Variants in ERI3 observed in about 807,000 individuals in gnomAD.
ERI3 encodes ERI1 exoribonuclease 3.
A neutral mutation model predicts 44.4 loss-of-function variants in ERI3; 18 were observed. The ratio of observed to expected loss-of-function variants is 0.41; its 90% confidence interval spans 0.28 to 0.60. ERI3 has a LOEUF of 0.60. Among genes scored for constraint, ERI3 ranks in the 20% least tolerant of loss-of-function variants. The probability of loss-of-function intolerance (pLI) is 0.36; values close to 1 mark genes in which losing one functional copy is unlikely to be tolerated. For missense variants in ERI3, 294 were observed against 435.5 expected, an observed-to-expected ratio of 0.68 and a Z score of 2.89; for synonymous variants, 183 against 164.8, an observed-to-expected ratio of 1.11 and a Z score of -0.84.
intron 7 of ERI3, among the ~76,000 whole-genome samples, chr1:44,271,294 A>G (rs896473451): frequency 3.3e-5 from 5 of 152,148 alleles, no homozygotes; most frequent in African/African-American, 1.2e-4. Flanking sequence ...GTAGTTCCCT[A>G]ATCCTGCAAC....
Position 44,240,327 on chromosome 1 carries a change from CT to C in ERI3, c.931+7611del, listed in dbSNP as rs920656809. On this transcript the variant is annotated intron_variant, in intron 8 of 8. Coordinates refer to ENST00000372257, the MANE Select transcript of ERI3 (RefSeq NM_024066.3). ...TCAGCCTGGCTTGGGCTGGTTTAGC[CT>C]AGTAGGAGGTTTGAGTCAGGGTCTG... 2.3e-3 allele frequency among the ~76,000 whole-genome samples: 349 copies of C among 152,308 alleles called. 1 individual carries two copies. The highest frequency in any genetic ancestry group is 8.2e-3 in the African/African-American group (340 of 41,556).
intron 2 of ERI3, among the ~76,000 whole-genome samples, chr1:44,342,830 TATATATATATATATATATATATA>T (rs1646692218): frequency 3.6e-5 from 1 of 27,878 alleles, no homozygotes; most frequent in Non-Finnish European, 6.2e-5. Flanking sequence ...TATATATATA[TATATATATATATATATATATATA>T]TATATTTTTT....
At chr1:44,317,609 T>C (rs918713952) in intron 4 of ERI3, among the ~76,000 whole-genome samples, 3 of 152,128 alleles carry the variant, frequency 2.0e-5, no homozygotes, top group Admixed American at 6.5e-5. Flanking sequence ...TCTAGTTTCT[T>C]CCCTCAAAGA....
chr1:44,298,188 G>C (rs1343586572), intron 6 of ERI3, among the ~76,000 whole-genome samples: 1 of 152,238 alleles, frequency 6.6e-6, no homozygotes, highest in Non-Finnish European at 1.5e-5. Context: ...GAGCAGTGCA[G>C]AGCACATAGC....
At chr1:44,307,154 G>A (rs1645854356) in intron 6 of ERI3, among the ~76,000 whole-genome samples, 1 of 152,130 alleles carries the variant, frequency 6.6e-6, no homozygotes, top group Non-Finnish European at 1.5e-5. Flanking sequence ...CACCTGATGG[G>A]TGTGGGAGAT....
intron 7 of ERI3, among the ~76,000 whole-genome samples, chr1:44,264,411 C>T (rs564997635): frequency 1.6e-4 from 24 of 152,350 alleles, no homozygotes; most frequent in African/African-American, 5.8e-4. Flanking sequence ...GCTTTAAACA[C>T]AGTTACACAA....
intron 6 of ERI3, among the ~76,000 whole-genome samples, chr1:44,301,164 C>G (rs1645718046): frequency 1.3e-5 from 2 of 152,166 alleles, no homozygotes; most frequent in African/African-American, 4.8e-5. Flanking sequence ...TTGGGGCTAA[C>G]CCGGTGCACC....
chr1:44,266,164 A>G (rs1335918927), intron 7 of ERI3, among the ~76,000 whole-genome samples: 3 of 152,216 alleles, frequency 2.0e-5, no homozygotes, highest in Non-Finnish European at 2.9e-5. Context: ...GGCACTTGAT[A>G]TAGGCACTTG....
chr1:44,340,818 AACTCAGCCCAGGT>A (rs1264812578), intron 2 of ERI3, among the ~76,000 whole-genome samples: 1 of 152,184 alleles, frequency 6.6e-6, no homozygotes, highest in Non-Finnish European at 1.5e-5. Context: ...ATACAGCCAA[AACTCAGCCCAGGT>A]AGACAAACGC....
chr1:44,241,985 T>A lies in ERI3; in HGVS notation c.931+5954A>T. On this transcript the variant is annotated intron_variant, in intron 8 of 8. Coordinates refer to ENST00000372257, the MANE Select transcript of ERI3 (RefSeq NM_024066.3). This position sits in a 1 kb window ranked among gnomAD's most constrained non-coding sequence, Gnocchi z 5.6. ...AGTCTGGTGTCTGGCAAGAACCAAT[T>A]CCTCAGATGTCTCTGGGGCTCCAAG... 1.0e-6 allele frequency: 1 copy of A among 985,642 alleles called. No homozygotes were observed. The highest frequency in any genetic ancestry group is 4.7e-5 in the South Asian group (1 of 21,282). 61.1% of individuals were successfully genotyped at this position (985,642 alleles called of 1,614,324 possible).
chr1:44,342,544 A>T (rs962437159), intron 2 of ERI3, among the ~76,000 whole-genome samples: 6 of 151,796 alleles, frequency 4.0e-5, no homozygotes, highest in Non-Finnish European at 8.8e-5. Context: ...ATACACACAC[A>T]CACACAAATA....
At chr1:44,313,249 C>A (rs376024138) in intron 4 of ERI3, 21 bp from the exon 5 acceptor site, 1 of 1,613,152 alleles carries the variant, frequency 6.2e-7, no homozygotes, top group African/African-American at 1.3e-5. Flanking sequence ...AGAGAAATAG[C>A]CGATGGGTAG....
At chr1:44,311,120 T>C (rs1645963824) in intron 5 of ERI3, among the ~76,000 whole-genome samples, 1 of 151,514 alleles carries the variant, frequency 6.6e-6, no homozygotes, top group Admixed American at 6.6e-5. Flanking sequence ...CTCACTGTTT[T>C]ATATCCCCAA....
In ERI3 at chr1:44,259,689, G is replaced by C. The variant is rs12060126; in HGVS notation, c.832-11651C>G. Reference sequence around the variant, plus strand: ...AAATCCTATCTCTACAAAACACACAGACACACACACACACACACACACACA... The same window carrying C: ...AAATCCTATCTCTACAAAACACACACACACACACACACACACACACACACA... On this transcript the variant is annotated intron_variant, in intron 7 of 8. Transcript: ENST00000372257. 1.5e-3 allele frequency among the ~76,000 whole-genome samples: 204 copies of C among 140,382 alleles called. 2 individuals carry two copies. In the East Asian group the frequency reaches 0.029, roughly 20 times the overall value. 92.1% of individuals were successfully genotyped at this position (140,382 alleles called of 152,430 possible). A position where few individuals can be genotyped will look rare whatever the true frequency, so the allele number is the denominator to read the frequency against.
intron 3 of ERI3, among the ~76,000 whole-genome samples, chr1:44,324,775 C>A (rs1487143507): frequency 6.6e-6 from 1 of 152,184 alleles, no homozygotes; most frequent in African/African-American, 2.4e-5. Context: ...AGCCACCGCG[C>A]CCGGCCAACA....
intron 8 of ERI3, among the ~76,000 whole-genome samples, chr1:44,238,769 G>C (rs1463736148): frequency 2.6e-5 from 4 of 151,918 alleles, no homozygotes; most frequent in African/African-American, 9.7e-5. Context: ...AGGCCAGACT[G>C]GGGCTGAAAG....
chr1:44,237,950 G>T (rs1644342870), intron 8 of ERI3, among the ~76,000 whole-genome samples: 1 of 151,982 alleles, frequency 6.6e-6, no homozygotes, highest in African/African-American at 2.4e-5. Context: ...TGTAGCCCTA[G>T]CCCGTCTGCT....
chr1:44,222,016 G>A (rs966530474), intron 8 of ERI3, among the ~76,000 whole-genome samples: 14 of 152,342 alleles, frequency 9.2e-5, no homozygotes, highest in South Asian at 4.1e-4. Flanking sequence ...GCGTGGGGAC[G>A]GCCCGTCCGC....
chr1:44,227,993 T>C (rs1644085631), intron 8 of ERI3, among the ~76,000 whole-genome samples: 1 of 152,174 alleles, frequency 6.6e-6, no homozygotes, highest in South Asian at 2.1e-4. Context: ...TCCAATAACA[T>C]CTAAAAATAA....
Sources: gnomAD v4.1 joint callset for allele counts (sites outside exome capture counted in the v4.1 genomes callset) on GRCh38, gnomAD v4.1.1 for gene constraint, Gnocchi (gnomAD v3.1) non-coding constraint, MANE v1.5 for transcripts, NCBI Gene and HGNC (gene_info 2026-07-23, HGNC 2026-07-21) for gene names.